The following DRG1 variants were observed in gnomAD, a reference collection of about 807,000 sequenced individuals.
DRG1 encodes the protein developmentally regulated GTP binding protein 1, also known as developmentally-regulated GTP-binding protein 1.
DRG1 carries 19 observed loss-of-function variants against 38.8 expected under a neutral mutation model. That is an observed-to-expected ratio of 0.49 (90% CI 0.34 to 0.72). DRG1 has a LOEUF of 0.72. Among genes scored for constraint, DRG1 ranks in the 30% least tolerant of loss-of-function variants. DRG1 has a pLI of 0.01. For synonymous variants in DRG1, 167 were observed against 157.5 expected (o/e 1.06, Z -0.45); for missense variants, 299 against 444.8 (o/e 0.67, Z 2.95).
At chr22:31,406,573 G>T (rs1003565341) in intron 3 of DRG1, among the ~76,000 whole-genome samples, 1 of 151,772 alleles carries the variant, frequency 6.6e-6, no homozygotes, top group African/African-American at 2.4e-5. Context: ...TCCTAGGGAG[G>T]TTGAGGCAGG....
At position 31,427,068 on chromosome 22, in the gene DRG1, A is replaced by C; in HGVS notation, c.890A>C (p.Lys297Thr). ...TGCCCTCTCTATTCTAGTTACACCA[A>C]ACCCAAAGGCCAGTTACCAGATTAC... Reference protein sequence around the residue: ...DYLKLVRIYTKPKGQLPDYTS... With the variant: ...DYLKLVRIYTTPKGQLPDYTS... Residue 297 changes from lysine (K) to threonine (T), a missense_variant, in exon 8 of 9, where the codon AAA becomes ACA. Coordinates refer to ENST00000331457, the MANE Select transcript of DRG1 (RefSeq NM_004147.4). The C allele has an allele frequency of 6.2e-7, 1 of 1,613,982 alleles. No individual in the cohort carries two copies. The highest frequency in any genetic ancestry group is 8.5e-7 in the Non-Finnish European group (1 of 1,179,924).
At chr22:31,433,326 A>G (rs1468424396) in intron 8 of DRG1, among the ~76,000 whole-genome samples, 1 of 145,844 alleles carries the variant, frequency 6.9e-6, no homozygotes, top group Non-Finnish European at 1.5e-5. Context: ...CCTGGAGTGC[A>G]ACGGCATGAT....
chr22:31,408,162 A>G (rs2049999796), intron 3 of DRG1, among the ~76,000 whole-genome samples: 1 of 98,016 alleles, frequency 1.0e-5, no homozygotes. Flanking sequence ...TTTTTGAGAT[A>G]GAGTCTTGCT....
intron 2 of DRG1, among the ~76,000 whole-genome samples, 159 bp downstream of exon 2, chr22:31,400,902 C>T (rs1383933210): frequency 6.7e-6 from 1 of 148,428 alleles, no homozygotes; most frequent in East Asian, 2.0e-4. Flanking sequence ...CACTTGAGGC[C>T]AGGAGTTCAA....
chr22:31,420,763 G>A (rs2050072556), intron 5 of DRG1, among the ~76,000 whole-genome samples: 1 of 152,158 alleles, frequency 6.6e-6, no homozygotes, highest in African/African-American at 2.4e-5. Context: ...CACGGGCCAA[G>A]CATTATTTTA....
chr22:31,409,608 A>G (rs931068337), intron 3 of DRG1, among the ~76,000 whole-genome samples: 1 of 152,212 alleles, frequency 6.6e-6, no homozygotes, highest in Non-Finnish European at 1.5e-5. Flanking sequence ...AATATGTATC[A>G]TATGTAAATA....
rs1165574213 is a variant in DRG1 at position 31,423,356 on chromosome 22, C to T, written c.659C>T (p.Thr220Ile). The change falls in exon 6 of 9, where the codon ACT becomes ATT. Residue 220 changes from threonine to isoleucine, a missense_variant. Physicochemically the swap from Thr to Ile is moderately conservative, Grantham distance 89. Around this residue, in one of 3 missense-constraint regions of DRG1, gnomAD observed 198 missense variants for 268.1 expected, o/e 0.74. Coordinates refer to ENST00000331457, the MANE Select transcript of DRG1 (RefSeq NM_004147.4). ...AEYKIHNADVTLRSDATADDL... is the reference protein window; with the variant it reads ...AEYKIHNADVILRSDATADDL... ...TACAAGATTCATAATGCCGATGTGA[C>T]TCTACGTAGTGATGCTACAGCTGAT... 2 of 1,613,944 alleles carry T rather than the reference C, an allele frequency of 1.2e-6. No homozygotes were observed. Among genetic ancestry groups the T allele is most frequent in the Non-Finnish European group, 1.7e-6 (2 of 1,180,032 alleles).
At chr22:31,428,426 G>C (rs570754419) in intron 8 of DRG1, among the ~76,000 whole-genome samples, 1 of 151,644 alleles carries the variant, frequency 6.6e-6, no homozygotes, top group African/African-American at 2.4e-5. Context: ...TGTTAGCCAG[G>C]ATGGTCTTGA....
At chr22:31,408,774 A>AC (rs1436378048) in intron 3 of DRG1, among the ~76,000 whole-genome samples, 1 of 142,812 alleles carries the variant, frequency 7.0e-6, no homozygotes, top group East Asian at 2.0e-4. Flanking sequence ...AAAAAAAAAA[A>AC]AGATATTTTA....
chr22:31,423,342 T>C lies in DRG1; in HGVS notation c.645T>C (p.His215=). 1.2e-6 allele frequency: 2 copies of C among 1,614,132 alleles called. No homozygotes were observed. Among genetic ancestry groups the C allele is most frequent in the South Asian group, 2.2e-5 (2 of 91,082 alleles). The change falls in exon 6 of 9, where the codon CAT becomes CAC. Residue 215 remains histidine, a synonymous_variant. Coordinates refer to ENST00000331457, the MANE Select transcript of DRG1 (RefSeq NM_004147.4). Reference sequence around the variant, plus strand: ...GCATTCTGGCTGAATACAAGATTCATAATGCCGATGTGACTCTACGTAGTG... The same window carrying C: ...GCATTCTGGCTGAATACAAGATTCACAATGCCGATGTGACTCTACGTAGTG... ...VKSILAEYKI[H]NADVTLRSDA... is the part of the protein sequence containing the mutation.
At chr22:31,431,234 C>T (rs2050137730) in intron 8 of DRG1, among the ~76,000 whole-genome samples, 1 of 151,910 alleles carries the variant, frequency 6.6e-6, no homozygotes, top group East Asian at 1.9e-4. Context: ...CGGGGTTTCA[C>T]CATGTTAGCC....
intron 8 of DRG1, among the ~76,000 whole-genome samples, chr22:31,429,341 C>A (rs2050127383): frequency 6.6e-6 from 1 of 152,052 alleles, no homozygotes; most frequent in Non-Finnish European, 1.5e-5. Flanking sequence ...TGGTCTCAAA[C>A]TCCTGACCTC....
chr22:31,430,754 T>C (rs1466623228), intron 8 of DRG1, among the ~76,000 whole-genome samples: 1 of 152,060 alleles, frequency 6.6e-6, no homozygotes. Flanking sequence ...ACAGGTTCTC[T>C]GTCTCCCAGG....
intron 7 of DRG1, 127 bp downstream of exon 7, chr22:31,426,909 T>G (rs1169075505): frequency 1.3e-6 from 2 of 1,485,548 alleles, no homozygotes; most frequent in Non-Finnish European, 1.8e-6. Context: ...GTTCCTATTA[T>G]CTACTAGGTC....
intron 5 of DRG1, among the ~76,000 whole-genome samples, chr22:31,420,929 T>C (rs2050073364): frequency 6.6e-6 from 1 of 152,124 alleles, no homozygotes; most frequent in Non-Finnish European, 1.5e-5. Context: ...AGAGTGTTGG[T>C]GTGAGGGTTG....
intron 3 of DRG1, among the ~76,000 whole-genome samples, chr22:31,407,134 A>G (rs996511732): frequency 7.4e-4 from 113 of 152,230 alleles, no homozygotes; most frequent in African/African-American, 2.6e-3. Flanking sequence ...TATTGTCAGT[A>G]TGTCTTATTG....
At chr22:31,404,940 A>AT (rs984603428) in intron 3 of DRG1, among the ~76,000 whole-genome samples, 8 of 149,988 alleles carry the variant, frequency 5.3e-5, no homozygotes, top group Admixed American at 2.0e-4. Flanking sequence ...TTAAATAAAT[A>AT]TTTTTTTTTT....
chr22:31,414,480 C>A (rs142180510), intron 4 of DRG1, among the ~76,000 whole-genome samples: 1,602 of 152,192 alleles, frequency 0.011, 10 homozygotes, highest in Middle Eastern at 0.024. Flanking sequence ...CAAAAAAATT[C>A]TTGATCTCCC....
intron 4 of DRG1, among the ~76,000 whole-genome samples, chr22:31,417,835 G>A (rs1006197574): frequency 6.7e-6 from 1 of 148,238 alleles, no homozygotes; most frequent in African/African-American, 2.5e-5. Context: ...TATTAAAAAT[G>A]CAAAATTAGC....
Sources: gnomAD v4.1 joint callset for allele counts (sites outside exome capture counted in the v4.1 genomes callset) on GRCh38, gnomAD v4.1.1 for gene constraint, gnomAD v4.1.1 regional missense constraint, MANE v1.5 for transcripts, NCBI Gene and HGNC (gene_info 2026-07-23, HGNC 2026-07-21) for gene names.